CEP112: variants seen among roughly 807,000 people sequenced by gnomAD.
CEP112 encodes the protein centrosomal protein 112.
CEP112 carries 127 observed loss-of-function variants against 153.0 expected under a neutral mutation model. The observed-to-expected ratio is 0.83, with a 90% confidence interval of 0.72 to 0.96. The LOEUF is 0.96. Among genes scored for constraint, CEP112 ranks in the 40% least tolerant of loss-of-function variants. CEP112 has a pLI of 0.00. For synonymous variants in CEP112, 358 were observed against 374.4 expected (o/e 0.96, Z 0.51); for missense variants, 1,089 against 1,101.2 (o/e 0.99, Z 0.16).
At chr17:65,713,263 C>A (rs2049301796) in intron 23 of CEP112, among the ~76,000 whole-genome samples, 1 of 152,162 alleles carries the variant, frequency 6.6e-6, no homozygotes, top group Non-Finnish European at 1.5e-5. Flanking sequence ...CTGTGGAAAT[C>A]ATTAAAATTA....
intron 11 of CEP112, among the ~76,000 whole-genome samples, chr17:66,061,396 C>T (rs2066914986): frequency 6.6e-6 from 1 of 152,006 alleles, no homozygotes; most frequent in Admixed American, 6.6e-5. Context: ...AAAACTGGAA[C>T]TACCATATGA....
rs775740579 is a variant in CEP112, at chr17:65,689,227, G to T, written c.2608-9C>A. ...AATTCATCTTGTAAAACCTGAAACG[G>T]TATAAAATAAAGATATCATTAATAA... On this transcript the variant is annotated splice_polypyrimidine_tract_variant and intron_variant, in intron 23 of 26. Transcript: ENST00000535342. 11 of 1,592,386 alleles carry T rather than the reference G, an allele frequency of 6.9e-6. No individual in the cohort carries two copies. The East Asian group carries it at 8.9e-5, about 13-fold the overall frequency.
intron 21 of CEP112, among the ~76,000 whole-genome samples, chr17:65,781,516 T>C (rs1325273472): frequency 6.6e-6 from 1 of 151,642 alleles, no homozygotes; most frequent in African/African-American, 2.4e-5. Flanking sequence ...AAAATTCATA[T>C]GGAACAAAAA....
chr17:66,183,693 T>C (rs1383987705), intron 1 of CEP112, among the ~76,000 whole-genome samples: 1 of 152,028 alleles, frequency 6.6e-6, no homozygotes. Flanking sequence ...AAACAACTGA[T>C]TTTCAACAAA....
chr17:66,173,384 T>C (rs760181398), intron 4 of CEP112, among the ~76,000 whole-genome samples: 2 of 152,220 alleles, frequency 1.3e-5, no homozygotes, highest in Admixed American at 6.5e-5. Context: ...AATGTTAATT[T>C]TGACAACTCA....
rs34971943 is a variant in CEP112 at position 66,009,189 on chromosome 17, T to TTGTG, written c.1657-3424_1657-3421dup. Among the ~76,000 whole-genome samples the TTGTG allele has an allele frequency of 8.7e-3, 1,281 of 146,920 alleles. 23 individuals carry two copies. The highest frequency in any genetic ancestry group is 0.03 in the African/African-American group (1,165 of 39,250). On this transcript the variant is annotated intron_variant, in intron 16 of 26. Coordinates refer to ENST00000535342, the MANE Select transcript of CEP112 (RefSeq NM_001199165.4). Reference sequence around the variant, plus strand: ...ATCCTGGCCTACACTTGTTATCCCTTTGTGTGTGTGTGTGTGTGTGTGTGT... The same window carrying TTGTG: ...ATCCTGGCCTACACTTGTTATCCCTTTGTGTGTGTGTGTGTGTGTGTGTGTGTGT...
intron 23 of CEP112, among the ~76,000 whole-genome samples, chr17:65,696,505 G>A (rs1314954201): frequency 4.6e-5 from 7 of 152,120 alleles, no homozygotes; most frequent in Admixed American, 3.9e-4. Flanking sequence ...CAAAACTGGG[G>A]TCGGTAGAGT....
At chr17:65,985,746 C>T (rs141414103) in intron 17 of CEP112, among the ~76,000 whole-genome samples, 2 of 152,072 alleles carry the variant, frequency 1.3e-5, no homozygotes, top group African/African-American at 2.4e-5. Flanking sequence ...GAAAGCTAAC[C>T]GTGTTCCACT....
chr17:66,142,553 T>A (rs1385700052), intron 4 of CEP112, among the ~76,000 whole-genome samples: 1 of 152,214 alleles, frequency 6.6e-6, no homozygotes, highest in East Asian at 1.9e-4. Flanking sequence ...GGCCAAATTT[T>A]CTTTTTATGC....
chr17:66,051,351 T>C (rs991423838), intron 12 of CEP112, among the ~76,000 whole-genome samples: 8 of 149,456 alleles, frequency 5.4e-5, no homozygotes, highest in Non-Finnish European at 7.4e-5. Context: ...GATCTGAGTG[T>C]TTATTATTGT....
intron 24 of CEP112, among the ~76,000 whole-genome samples, chr17:65,650,891 C>A (rs1055054523): frequency 6.6e-6 from 1 of 151,632 alleles, no homozygotes; most frequent in African/African-American, 2.4e-5. Flanking sequence ...TTCTCTCTCT[C>A]GCTCTCTTTT....
intron 17 of CEP112, among the ~76,000 whole-genome samples, chr17:65,982,967 G>A (rs983310338): frequency 4.6e-5 from 7 of 152,096 alleles, no homozygotes; most frequent in African/African-American, 1.7e-4. Context: ...GGACACAAAA[G>A]GTCACATATT....
intron 19 of CEP112, chr17:65,903,455 C>A (rs910951480): frequency 6.6e-6 from 1 of 152,146 alleles, no homozygotes; most frequent in African/African-American, 2.4e-5. Flanking sequence ...AAATTCTTAT[C>A]CCTTATGACA....
At chr17:65,835,161 C>T (rs1267108492) in intron 21 of CEP112, among the ~76,000 whole-genome samples, 1 of 147,874 alleles carries the variant, frequency 6.8e-6, no homozygotes, top group Non-Finnish European at 1.5e-5. Flanking sequence ...TGCAACAAAC[C>T]TTCACATGTA....
At chr17:65,729,299 G>A (rs1299432078) in intron 23 of CEP112, among the ~76,000 whole-genome samples, 3 of 152,012 alleles carry the variant, frequency 2.0e-5, no homozygotes. Flanking sequence ...TAATCTTATG[G>A]GACTACCATC....
chr17:66,169,643 T>C (rs2072161281), intron 4 of CEP112, among the ~76,000 whole-genome samples: 1 of 152,130 alleles, frequency 6.6e-6, no homozygotes, highest in South Asian at 2.1e-4. Flanking sequence ...CACAAAATTG[T>C]TAATGGTGAT....
At chr17:66,060,586 C>T (rs751457044) in intron 11 of CEP112, among the ~76,000 whole-genome samples, 3 of 151,846 alleles carry the variant, frequency 2.0e-5, no homozygotes, top group African/African-American at 7.3e-5. Context: ...CATGAAGCAC[C>T]CAGAAAAAAA....
chr17:65,997,211 A>AAAT (rs1236730176), intron 17 of CEP112, among the ~76,000 whole-genome samples: 1 of 152,200 alleles, frequency 6.6e-6, no homozygotes, highest in South Asian at 2.1e-4. Flanking sequence ...ACTCCATCTA[A>AAAT]AATAATAATA....
chr17:66,096,616 TA>T lies in CEP112; in HGVS notation c.658del (p.Tyr220ThrfsTer2). 2 of 1,591,896 alleles carry T rather than the reference TA, an allele frequency of 1.3e-6. No homozygotes were observed. The highest frequency in any genetic ancestry group is 1.7e-6 in the Non-Finnish European group (2 of 1,164,504). On this transcript the variant is annotated frameshift_variant, in exon 7 of 27. Transcript: ENST00000535342. LOFTEE classifies it high-confidence loss of function. ...SWNLGIENPRYLRQKPIPVSL... is the reference protein window; with the variant it reads ...SWNLGIENPRXLRQKPIPVSL... ...AACTGGGATAGGCTTCTGTCTCAGG[TA>T]TCGAGGATTTTCTATCTGAAAATTT...
Sources: gnomAD v4.1 joint callset for allele counts (sites outside exome capture counted in the v4.1 genomes callset) on GRCh38, gnomAD v4.1.1 for gene constraint, MANE v1.5 for transcripts, NCBI Gene and HGNC (gene_info 2026-07-23, HGNC 2026-07-21) for gene names.